Variants in SSH2 observed in about 807,000 individuals in gnomAD.
SSH2 encodes the protein protein phosphatase Slingshot homolog 2.
SSH2 carries 37 observed loss-of-function variants against 135.2 expected under a neutral mutation model. That is an observed-to-expected ratio of 0.27 (90% CI 0.21 to 0.36). The LOEUF (loss-of-function observed/expected upper bound fraction) is 0.36. Ranked by LOEUF, SSH2 falls within the 10% of genes least tolerant of loss-of-function variation. SSH2 has a pLI of 1.00. For missense variants in SSH2, 1,408 were observed against 1,765.3 expected (o/e 0.80, Z 3.63); for synonymous variants, 628 against 646.2 (o/e 0.97, Z 0.43).
intron 3 of SSH2, among the ~76,000 whole-genome samples, chr17:29,755,828 A>AT (rs538180724): frequency 1.5e-4 from 23 of 150,856 alleles, no homozygotes; most frequent in Non-Finnish European, 2.7e-4. Flanking sequence ...CACCCGGCTA[A>AT]TTTTTTGTGT....
At chr17:29,760,253 C>T (rs1380498572) in intron 3 of SSH2, among the ~76,000 whole-genome samples, 2 of 152,138 alleles carry the variant, frequency 1.3e-5, no homozygotes, top group Non-Finnish European at 1.5e-5. Context: ...GGGAGGGAGA[C>T]AGTAGCTTTG....
intron 1 of SSH2, among the ~76,000 whole-genome samples, chr17:29,895,704 GAAATATATAAAATA>G (rs1311926719): frequency 1.3e-4 from 15 of 112,784 alleles, no homozygotes; most frequent in African/African-American, 3.6e-4. Flanking sequence ...TTTTATATAT[GAAATATATAAAATA>G]TATTTTATAT....
intron 12 of SSH2, among the ~76,000 whole-genome samples, chr17:29,651,847 T>G (rs534109832): frequency 5.0e-4 from 76 of 152,192 alleles, no homozygotes; most frequent in Non-Finnish European, 7.4e-5. Context: ...TTATTTAATT[T>G]AAAAAGCGAG....
chr17:29,686,896 G>A (rs189711614), intron 5 of SSH2, among the ~76,000 whole-genome samples: 1 of 152,150 alleles, frequency 6.6e-6, no homozygotes, highest in African/African-American at 2.4e-5. Flanking sequence ...GGCTGGTCTC[G>A]AACTCCTGCC....
intron 1 of SSH2, among the ~76,000 whole-genome samples, chr17:29,907,182 T>TA (rs879542943): frequency 5.9e-5 from 9 of 152,172 alleles, no homozygotes; most frequent in Non-Finnish European, 1.0e-4. Context: ...TATGCAGTCA[T>TA]AAAAAGGAAT....
chr17:29,834,069 T>G (rs2042903790), intron 2 of SSH2, among the ~76,000 whole-genome samples: 1 of 151,686 alleles, frequency 6.6e-6, no homozygotes, highest in South Asian at 2.1e-4. Context: ...CCATGAAGGT[T>G]GCAAATAATA....
intron 1 of SSH2, among the ~76,000 whole-genome samples, chr17:29,857,835 C>T (rs1474690422): frequency 1.3e-5 from 2 of 152,210 alleles, no homozygotes; most frequent in Admixed American, 1.3e-4. Flanking sequence ...TATAGTCAAT[C>T]TCTAAAGCTT....
At chr17:29,905,696 G>T (rs1374497224) in intron 1 of SSH2, among the ~76,000 whole-genome samples, 4 of 152,126 alleles carry the variant, frequency 2.6e-5, no homozygotes, top group Non-Finnish European at 5.9e-5. Context: ...CCCTGGTAAG[G>T]TCCCTCCCTC....
rs1338078699 is a variant in SSH2 at position 29,727,987 on chromosome 17, C to T, written c.189-24925G>A. Among the ~76,000 whole-genome samples the T allele has an allele frequency of 3.9e-5, 6 of 152,294 alleles. No individual in the cohort carries two copies. In the East Asian group the frequency reaches 7.7e-4, roughly 20 times the overall value. On this transcript the variant is annotated intron_variant, in intron 3 of 15. Coordinates refer to ENST00000540801, the MANE Select transcript of SSH2 (RefSeq NM_001282129.2). ...CAAGAGGCCAGGAGTTCGAGACAAG[C>T]CTGGCCAACATGGCGAAACCCCTTC...
rs1217644890 is a variant in SSH2, at chr17:29,684,647, C to T, written c.395G>A (p.Arg132His). The change falls in exon 6 of 16, where the codon CGC becomes CAC. Residue 132 changes from arginine (R) to histidine (H), a missense_variant. Coordinates refer to ENST00000540801, the MANE Select transcript of SSH2 (RefSeq NM_001282129.2). ...RLESTYQNRT[R>H]YMVVVSTNGR... ...ATTAGTTGAAACCACTACCATATAG[C>T]GTGTTCGATTCTGGTAAGTACTTTC... 9 of 1,612,880 alleles carry T rather than the reference C, an allele frequency of 5.6e-6. No individual in the cohort carries two copies. The highest frequency in any genetic ancestry group is 1.7e-5 in the Admixed American group (1 of 59,980).
chr17:29,804,237 TAAAC>T (rs1270619225), intron 2 of SSH2, among the ~76,000 whole-genome samples: 1 of 152,192 alleles, frequency 6.6e-6, no homozygotes, highest in Non-Finnish European at 1.5e-5. Context: ...AAACCTTAAA[TAAAC>T]AAACTTTCTT....
intron 3 of SSH2, among the ~76,000 whole-genome samples, chr17:29,771,610 C>T (rs2041587735): frequency 6.6e-6 from 1 of 152,182 alleles, no homozygotes; most frequent in South Asian, 2.1e-4. Flanking sequence ...ATAGATACCT[C>T]CTTCACACAC....
chr17:29,631,293 G>A lies in SSH2; in HGVS notation c.3901C>T (p.Pro1301Ser), dbSNP rs1165759066. ...TCACAGGAGGCAGGCTCCCTCTCTG[G>A]TAAGCAGTCTTTACAGAGGTCCAAG... ...GYLDLCKDCL[P>S]EREPASCESP... The change falls in exon 16 of 16, where the codon CCA becomes TCA. Residue 1301 changes from proline (P) to serine (S), a missense_variant. Pro to Ser is a moderately conservative substitution (Grantham distance 74). This residue lies in a region of SSH2 where 1,080 missense variants were observed against 1,144.5 expected (regional missense o/e 0.94). Transcript: ENST00000540801. 2 of 1,614,144 alleles carry A rather than the reference G, an allele frequency of 1.2e-6. No individual in the cohort carries two copies. Among genetic ancestry groups the A allele is most frequent in the Non-Finnish European group, 1.7e-6 (2 of 1,180,030 alleles).
intron 2 of SSH2, among the ~76,000 whole-genome samples, chr17:29,797,319 A>G (rs1432630469): frequency 6.6e-6 from 1 of 152,058 alleles, no homozygotes; most frequent in Non-Finnish European, 1.5e-5. Flanking sequence ...TCCTGAGGCA[A>G]CCCTGTTCTG....
At chr17:29,636,990 G>A (rs1319740111) in intron 14 of SSH2, among the ~76,000 whole-genome samples, 188 bp from the exon 15 acceptor site, 1 of 152,176 alleles carries the variant, frequency 6.6e-6, no homozygotes, top group African/African-American at 2.4e-5. Context: ...CAACAAATGA[G>A]TGTGAGTTTT....
chr17:29,781,660 AAT>A (rs1598989160), intron 3 of SSH2, among the ~76,000 whole-genome samples: 1 of 151,418 alleles, frequency 6.6e-6, no homozygotes, highest in East Asian at 1.9e-4. Context: ...TTGTATTTTT[AAT>A]AGAGACAGGG....
intron 3 of SSH2, among the ~76,000 whole-genome samples, chr17:29,767,631 A>G (rs181148158): frequency 6.7e-4 from 96 of 143,710 alleles, no homozygotes; most frequent in African/African-American, 2.0e-3. Flanking sequence ...ACACACACGC[A>G]CACACACACA....
intron 1 of SSH2, among the ~76,000 whole-genome samples, chr17:29,850,752 G>C (rs996342406): frequency 2.6e-5 from 4 of 152,188 alleles, no homozygotes; most frequent in African/African-American, 9.7e-5. Flanking sequence ...TTGGGAGGCC[G>C]AGGCGGGTGG....
intron 1 of SSH2, among the ~76,000 whole-genome samples, chr17:29,912,147 C>T (rs779891868): frequency 1.3e-5 from 2 of 152,100 alleles, no homozygotes; most frequent in Non-Finnish European, 2.9e-5. Context: ...GGCACTGTAC[C>T]TTTTACCCCT....
Sources: gnomAD v4.1 joint callset for allele counts (sites outside exome capture counted in the v4.1 genomes callset) on GRCh38, gnomAD v4.1.1 for gene constraint, gnomAD v4.1.1 regional missense constraint, MANE v1.5 for transcripts, NCBI Gene and HGNC (gene_info 2026-07-23, HGNC 2026-07-21) for gene names.